GRM7: variants seen among roughly 807,000 people sequenced by gnomAD.
GRM7 encodes the protein glutamate metabotropic receptor 7.
GRM7 carries 35 observed loss-of-function variants against 84.5 expected under a neutral mutation model. The ratio of observed to expected loss-of-function variants is 0.41; its 90% CI spans 0.32 to 0.55. GRM7 has a LOEUF of 0.55. Ranked by LOEUF, GRM7 falls within the 20% of genes least tolerant of loss-of-function variation. GRM7 has a pLI of 0.19. For synonymous variants in GRM7, 487 were observed against 455.1 expected (o/e 1.07, Z -0.89); for missense variants, 1,003 against 1,194.6 (o/e 0.84, Z 2.36).
chr3:7,653,538 A>T (rs1362280564), intron 8 of GRM7, among the ~76,000 whole-genome samples: 4 of 152,124 alleles, frequency 2.6e-5, no homozygotes, highest in African/African-American at 9.7e-5. Context: ...CCTTCCTCTA[A>T]CCCCTGCCCC....
chr3:7,498,590 C>A (rs1432233152), intron 7 of GRM7, among the ~76,000 whole-genome samples: 1 of 152,106 alleles, frequency 6.6e-6, no homozygotes, highest in Non-Finnish European at 1.5e-5. Context: ...GTTGATGGGA[C>A]ATGATGAGGA....
chr3:7,471,332 T>C (rs1293294381), intron 7 of GRM7, among the ~76,000 whole-genome samples: 2 of 152,162 alleles, frequency 1.3e-5, no homozygotes, highest in Non-Finnish European at 2.9e-5. Context: ...ACCAGGGCTA[T>C]GCTTCTTTCT....
At chr3:6,879,115 A>G (rs1695417901) in intron 1 of GRM7, among the ~76,000 whole-genome samples, 1 of 152,168 alleles carries the variant, frequency 6.6e-6, no homozygotes, top group Non-Finnish European at 1.5e-5. Context: ...ACTTTAATTG[A>G]ACTACCTCAT....
At chr3:7,497,504 AT>A (rs1699748571) in intron 7 of GRM7, among the ~76,000 whole-genome samples, 1 of 152,036 alleles carries the variant, frequency 6.6e-6, no homozygotes, top group Non-Finnish European at 1.5e-5. Flanking sequence ...GCGTGGCTCG[AT>A]TTATTTATTT....
intron 1 of GRM7, among the ~76,000 whole-genome samples, chr3:6,924,869 A>G (rs1697246164): frequency 6.6e-6 from 1 of 152,124 alleles, no homozygotes; most frequent in African/African-American, 2.4e-5. Flanking sequence ...GAGACAGGAA[A>G]TATCTCCAAA....
At chr3:7,296,620 T>C (rs1248363288) in intron 2 of GRM7, among the ~76,000 whole-genome samples, 2 of 152,154 alleles carry the variant, frequency 1.3e-5, no homozygotes, top group Non-Finnish European at 2.9e-5. Flanking sequence ...TTTCAAGAAA[T>C]TCTTTCATAT....
At chr3:7,343,657 C>T (rs1340429521) in intron 4 of GRM7, among the ~76,000 whole-genome samples, 1 of 152,138 alleles carries the variant, frequency 6.6e-6, no homozygotes, top group Non-Finnish European at 1.5e-5. Flanking sequence ...ACTGCTGAAT[C>T]TCCTTCAGCA....
At chr3:7,705,702 C>T (rs1380665102) in intron 9 of GRM7, among the ~76,000 whole-genome samples, 1 of 152,060 alleles carries the variant, frequency 6.6e-6, no homozygotes, top group Non-Finnish European at 1.5e-5. Flanking sequence ...GAAGAAAGGC[C>T]AGTGTGACTA....
At chr3:7,279,821 CACTT>C (rs1699195698) in intron 2 of GRM7, among the ~76,000 whole-genome samples, 1 of 152,128 alleles carries the variant, frequency 6.6e-6, no homozygotes, top group Non-Finnish European at 1.5e-5. Flanking sequence ...GAGAAAGAGA[CACTT>C]ACAGTCATTG....
intron 8 of GRM7, among the ~76,000 whole-genome samples, chr3:7,669,369 GAAC>G (rs1054674101): frequency 3.2e-4 from 49 of 152,168 alleles, no homozygotes; most frequent in African/African-American, 1.2e-3. Flanking sequence ...AAGGCAGAAG[GAAC>G]AACATGTGCA....
At chr3:7,086,962 T>C (rs4142869) in intron 1 of GRM7, among the ~76,000 whole-genome samples, 75,708 of 152,014 alleles carry the variant, frequency 0.5, 20,154 homozygotes, top group African/African-American at 0.7. Flanking sequence ...CATTCTCATA[T>C]TTCCTTCCAG....
At chr3:7,185,435 A>G (rs551356120) in intron 2 of GRM7, among the ~76,000 whole-genome samples, 6 of 152,260 alleles carry the variant, frequency 3.9e-5, no homozygotes, top group African/African-American at 1.2e-4. Flanking sequence ...ATCTATACCC[A>G]AGTCTAAATA....
chr3:7,667,538 A>G (rs1016252610), intron 8 of GRM7, among the ~76,000 whole-genome samples: 5 of 152,174 alleles, frequency 3.3e-5, no homozygotes, highest in Admixed American at 3.3e-4. Flanking sequence ...AAATTCATCC[A>G]TCAATTTTTT....
At chr3:6,978,566 G>T (rs1215913551) in intron 1 of GRM7, among the ~76,000 whole-genome samples, 1 of 152,134 alleles carries the variant, frequency 6.6e-6, no homozygotes, top group Non-Finnish European at 1.5e-5. Flanking sequence ...TATAAAAAGA[G>T]AAGTTATTTA....
intron 1 of GRM7, among the ~76,000 whole-genome samples, chr3:7,075,139 G>T (rs1338426022): frequency 1.3e-5 from 2 of 152,186 alleles, no homozygotes; most frequent in Non-Finnish European, 2.9e-5. Flanking sequence ...TGCTCAGAAG[G>T]TCCTGGAGTC....
At chr3:7,126,702 G>T (rs1693413122) in intron 1 of GRM7, among the ~76,000 whole-genome samples, 1 of 152,162 alleles carries the variant, frequency 6.6e-6, no homozygotes, top group Admixed American at 6.6e-5. Context: ...ATGTGTTGTT[G>T]TCGTGAGAAA....
intron 8 of GRM7, among the ~76,000 whole-genome samples, chr3:7,646,513 C>T (rs548521117): frequency 2.2e-4 from 34 of 152,182 alleles, no homozygotes; most frequent in Non-Finnish European, 4.3e-4. Context: ...ATTTTTAAGC[C>T]ATCATGGTGC....
At chr3:7,271,835 A>G (rs1698876743) in intron 2 of GRM7, among the ~76,000 whole-genome samples, 1 of 152,180 alleles carries the variant, frequency 6.6e-6, no homozygotes, top group Non-Finnish European at 1.5e-5. Flanking sequence ...CTGAGTGACT[A>G]TTGAATCTAT....
intron 8 of GRM7, among the ~76,000 whole-genome samples, chr3:7,601,613 A>G (rs1487147532): frequency 6.6e-6 from 1 of 152,124 alleles, no homozygotes; most frequent in East Asian, 1.9e-4. Context: ...AAAGAACAAA[A>G]ACCTGGCTCA....
Sources: allele counts gnomAD v4.1 joint callset (sites outside exome capture counted in the v4.1 genomes callset), GRCh38; gene constraint gnomAD v4.1.1; transcripts MANE v1.5; gene names NCBI Gene and HGNC (gene_info 2026-07-23, HGNC 2026-07-21).